The following PARP6 variants were observed in gnomAD, a reference collection of about 807,000 sequenced individuals.
PARP6 encodes protein mono-ADP-ribosyltransferase PARP6.
A neutral mutation model predicts 92.0 loss-of-function variants in PARP6; 27 were observed. That is an observed-to-expected ratio of 0.29 (90% CI 0.22 to 0.40). The LOEUF (loss-of-function observed/expected upper bound fraction) is 0.40, where lower values mean the gene tolerates loss of function less well. PARP6 is among the 10% of genes least tolerant of loss of function. PARP6 has a pLI of 1.00. For missense variants in PARP6, 501 were observed against 784.5 expected (o/e 0.64, Z 4.32); for synonymous variants, 272 against 281.2 (o/e 0.97, Z 0.33).
chr15:72,250,187 G>C, intron 18 of PARP6, 95 bp from the exon 19 acceptor site: 1 of 786,792 alleles, frequency 1.3e-6, no homozygotes. Flanking sequence ...ACCCACACAG[G>C]ACATGAAGAT....
rs1858595384 is a variant in PARP6 at position 72,267,331 on chromosome 15, G to A, written c.3+144C>T. The A allele has an allele frequency of 3.6e-6, 3 of 830,504 alleles. 1 individual carries two copies. In the South Asian group the frequency reaches 4.6e-5, roughly 13 times the overall value. The allele number at this position is 830,504 out of a possible 1,614,324, so 51.4% of individuals were successfully genotyped here. Reference sequence around the variant, plus strand: ...ACACACCAAGTAATACTGTTTCTGTGCCCCTTCCCTTTCCTTTAACTTCAA... The same window carrying A: ...ACACACCAAGTAATACTGTTTCTGTACCCCTTCCCTTTCCTTTAACTTCAA... On this transcript the variant is annotated intron_variant, in intron 3 of 23. Transcript: ENST00000569795.
chr15:72,250,738 T>C, intron 18 of PARP6, 107 bp downstream of exon 18: 1 of 673,128 alleles, frequency 1.5e-6, no homozygotes, highest in Non-Finnish European at 2.7e-6. Context: ...AAGTATCTGC[T>C]GACTGGTTGA....
At chr15:72,269,682 C>A (rs957537481) in intron 2 of PARP6, among the ~76,000 whole-genome samples, 2 of 151,774 alleles carry the variant, frequency 1.3e-5, no homozygotes, top group African/African-American at 4.8e-5. Context: ...GGCAGGACAC[C>A]TGAGGTCAGG....
chr15:72,252,182 CT>C (rs1392834445), intron 16 of PARP6, among the ~76,000 whole-genome samples: 3 of 152,196 alleles, frequency 2.0e-5, no homozygotes, highest in Non-Finnish European at 2.9e-5. Context: ...TCTGGACATT[CT>C]ATATCATCAA....
intron 8 of PARP6, among the ~76,000 whole-genome samples, chr15:72,262,419 C>T (rs75066977): frequency 3.9e-4 from 59 of 152,330 alleles, no homozygotes; most frequent in African/African-American, 1.4e-3. Context: ...GGTGACCCTT[C>T]TACCTAAGAT....
chr15:72,251,768 G>C (rs2084388479), intron 16 of PARP6, among the ~76,000 whole-genome samples: 1 of 152,190 alleles, frequency 6.6e-6, no homozygotes, highest in Admixed American at 6.5e-5. Flanking sequence ...GCTGGAAAAA[G>C]AAACAGAAGA....
rs762181853 is a variant in PARP6, at chr15:72,260,681, T to A, written c.553A>T (p.Ser185Cys). Reference protein sequence around the residue: ...SIFSPIPKSPSFPIIQDSMLK... With the variant: ...SIFSPIPKSPCFPIIQDSMLK... The stretch of plus-strand genomic sequence containing the variant: ...ATGGAGTCCTGTATGATAGGGAAAC[T>A]GGGAGACCTGCAGAGAGAGAGCAAA... The change falls in exon 10 of 24, where the codon AGT becomes TGT. Residue 185 changes from serine to cysteine, a missense_variant. Physicochemically the swap from Ser to Cys is moderately radical, Grantham distance 112. Coordinates refer to ENST00000569795, the MANE Select transcript of PARP6 (RefSeq NM_001323532.2). 5 of 1,611,276 alleles carry A rather than the reference T, an allele frequency of 3.1e-6. No individual in the cohort carries two copies. The highest frequency in any genetic ancestry group is 4.2e-6 in the Non-Finnish European group (5 of 1,177,394).
chr15:72,243,843 C>T (rs1192142230), intron 20 of PARP6: 1 of 152,220 alleles, frequency 6.6e-6, no homozygotes, highest in Non-Finnish European at 1.5e-5. Context: ...GCACTCTCAC[C>T]ACTCTACCCT....
Position 72,242,587 on chromosome 15 carries a change from A to G in PARP6, c.1641+33T>C, listed in dbSNP as rs754020560. ...TCTGGAGCCTAAATTAGCCCCAGGG[A>G]AAGGTCCTGCCTCATTAGAATAGTT... is the stretch of plus-strand genomic sequence containing the variant. On this transcript the variant is annotated intron_variant, in intron 21 of 23. Transcript: ENST00000569795. This position sits in a 1 kb window ranked among gnomAD's most constrained non-coding sequence, Gnocchi z 4.3. 14 of 1,427,012 alleles carry G rather than the reference A, an allele frequency of 9.8e-6. No individual in the cohort carries two copies. Among genetic ancestry groups the G allele is most frequent in the Non-Finnish European group, 1.4e-5 (14 of 1,009,328 alleles). 88.4% of individuals were successfully genotyped at this position (1,427,012 alleles called of 1,614,324 possible).
At chr15:72,260,774 C>A in intron 9 of PARP6, 86 bp from the exon 10 acceptor site, 1 of 985,482 alleles carries the variant, frequency 1.0e-6, no homozygotes, top group South Asian at 1.3e-5. Flanking sequence ...AGCCCTAAGC[C>A]AAAAGTTCTA....
chr15:72,250,176 CA>C (rs1339739682), intron 18 of PARP6, 84 bp from the exon 19 acceptor site: 1 of 836,646 alleles, frequency 1.2e-6, no homozygotes, highest in Non-Finnish European at 2.1e-6. Flanking sequence ...CACCCATTCT[CA>C]CCCACACAGG....
chr15:72,250,139 C>T (rs2084155337), intron 18 of PARP6, 47 bp from the exon 19 acceptor site: 1 of 1,216,944 alleles, frequency 8.2e-7, no homozygotes, highest in African/African-American at 1.5e-5. Flanking sequence ...ATGAGGTTCC[C>T]AGGAACACTC....
intron 8 of PARP6, among the ~76,000 whole-genome samples, chr15:72,262,508 C>T (rs1015453586): frequency 1.3e-5 from 2 of 152,160 alleles, no homozygotes; most frequent in African/African-American, 4.8e-5. Flanking sequence ...CCAAAGTCAA[C>T]AAAAGATGTC....
intron 20 of PARP6, among the ~76,000 whole-genome samples, chr15:72,246,716 C>CT (rs1379389714): frequency 6.6e-6 from 1 of 152,052 alleles, no homozygotes; most frequent in Non-Finnish European, 1.5e-5. Flanking sequence ...CAGTCTCACT[C>CT]TGTCTTCTGG....
rs549669289 is a variant in PARP6 at position 72,247,327 on chromosome 15, G to A, written c.1561+1918C>T. ...CAGCTAGGACTTACAGGCACGCACTGCCAGACCTGGTTATTTTTATTTTTT... is the reference window on the plus strand; with the variant it reads ...CAGCTAGGACTTACAGGCACGCACTACCAGACCTGGTTATTTTTATTTTTT... On this transcript the variant is annotated intron_variant, in intron 20 of 23. Transcript: ENST00000569795. Among the ~76,000 whole-genome samples the A allele has an allele frequency of 8.6e-5, 13 of 152,042 alleles. No homozygotes were observed. The South Asian group carries it at 2.7e-3, about 32-fold the overall frequency.
intron 3 of PARP6, 104 bp from the exon 4 acceptor site, chr15:72,266,926 AATAT>A: frequency 6.9e-6 from 6 of 867,654 alleles, no homozygotes; most frequent in Non-Finnish European, 1.2e-5. Flanking sequence ...AAGATTGGGA[AATAT>A]AGAATAACTG....
chr15:72,264,459 G>A, intron 8 of PARP6, 96 bp downstream of exon 8: 1 of 874,370 alleles, frequency 1.1e-6, no homozygotes, highest in South Asian at 1.6e-5. Flanking sequence ...TTTGGAAGGG[G>A]GCATTCCATC....
In PARP6 at chr15:72,241,432, GTGGT is replaced by G. The variant is rs768022482; in HGVS notation, c.*19_*22del. ...GCAGATGGATCCTGGGGTAACAGGG[GTGGT>G]ACGAGGGCTGGGGCCCCCTCAGTTT... On this transcript the variant is annotated 3_prime_UTR_variant, in exon 24 of 24. Transcript: ENST00000569795. The surrounding 1 kb of genome is among the most constrained non-coding windows in gnomAD (Gnocchi z 4.1). The G allele has an allele frequency of 6.6e-7, 1 of 1,509,842 alleles. No homozygotes were observed. The highest frequency in any genetic ancestry group is 1.1e-5 in the South Asian group (1 of 88,978). The allele number at this position is 1,509,842 out of a possible 1,614,324, so 93.5% of individuals were successfully genotyped here.
At chr15:72,263,966 T>C (rs2141069791) in intron 8 of PARP6, among the ~76,000 whole-genome samples, 1 of 149,172 alleles carries the variant, frequency 6.7e-6, no homozygotes, top group Non-Finnish European at 1.5e-5. Context: ...GAAGTTGCAG[T>C]GAGCCAAGAT....
Sources: allele counts gnomAD v4.1 joint callset (sites outside exome capture counted in the v4.1 genomes callset), GRCh38; gene constraint gnomAD v4.1.1; non-coding constraint Gnocchi (gnomAD v3.1); transcripts MANE v1.5; gene names NCBI Gene and HGNC (gene_info 2026-07-23, HGNC 2026-07-21).